SCN11A: variants seen among roughly 807,000 people sequenced by gnomAD.
SCN11A encodes the protein sodium channel protein type 11 subunit alpha.
SCN11A carries 122 observed loss-of-function variants against 162.2 expected under a neutral mutation model. The ratio of observed to expected loss-of-function variants is 0.75; its 90% CI spans 0.65 to 0.87. SCN11A has a LOEUF of 0.87. Ranked by LOEUF, SCN11A falls within the 40% of genes least tolerant of loss-of-function variation. The probability of loss-of-function intolerance (pLI) is 0.00; values close to 1 mark genes in which losing one functional copy is unlikely to be tolerated. For missense variants in SCN11A, 2,015 were observed against 2,181.6 expected, an observed-to-expected ratio of 0.92 and a Z score of 1.52; for synonymous variants, 758 against 751.5, an observed-to-expected ratio of 1.01 and a Z score of -0.14.
At chr3:38,982,658 T>C (rs147421071) in intron 2 of SCN11A, among the ~76,000 whole-genome samples, 2 of 152,200 alleles carry the variant, frequency 1.3e-5, no homozygotes, top group African/African-American at 4.8e-5. Flanking sequence ...AGACATAATA[T>C]ATGAAAGATA....
In SCN11A at chr3:38,951,386, C is replaced by T. The variant is rs559965661; in HGVS notation, c.-7-1017G>A. On this transcript the variant is annotated intron_variant, in intron 4 of 29. Coordinates refer to ENST00000302328, the MANE Select transcript of SCN11A (RefSeq NM_001349253.2). ...TCTCACCGGGCCTTAGCTGACTTCC[C>T]GCGGGGCAGGGCTTGGGACCTGCAG... Among the ~76,000 whole-genome samples, 310 of 152,358 alleles carry T rather than the reference C, an allele frequency of 2.0e-3. 2 individuals are homozygous for T. Among genetic ancestry groups the T allele is most frequent in the African/African-American group, 5.7e-3 (238 of 41,590 alleles).
chr3:38,986,636 G>A (rs980951986), intron 2 of SCN11A, among the ~76,000 whole-genome samples: 4 of 151,888 alleles, frequency 2.6e-5, no homozygotes. Context: ...CTGTGTGTGT[G>A]TGTTGTTGTT....
chr3:38,930,757 C>G (rs1379779248), intron 7 of SCN11A, among the ~76,000 whole-genome samples: 1 of 152,172 alleles, frequency 6.6e-6, no homozygotes, highest in Non-Finnish European at 1.5e-5. Flanking sequence ...AAATTACATG[C>G]CTCCTTGTAT....
At chr3:38,913,457 TTTTG>T (rs1170605765) in intron 11 of SCN11A, among the ~76,000 whole-genome samples, 2 of 151,984 alleles carry the variant, frequency 1.3e-5, no homozygotes, top group Non-Finnish European at 2.9e-5. Context: ...GTTTTTTGGT[TTTTG>T]TTTGTTTTTG....
chr3:38,928,183 C>T (rs1053934402), intron 7 of SCN11A, among the ~76,000 whole-genome samples: 5 of 152,084 alleles, frequency 3.3e-5, no homozygotes, highest in Non-Finnish European at 5.9e-5. Flanking sequence ...AAATGTAAGA[C>T]CTGAAAAACA....
At chr3:39,034,983 T>C (rs1233650468) in intron 1 of SCN11A, among the ~76,000 whole-genome samples, 3 of 152,288 alleles carry the variant, frequency 2.0e-5, no homozygotes, top group South Asian at 2.1e-4. Flanking sequence ...ACCATGTTCA[T>C]GGATTGGAAG....
At chr3:39,034,271 A>C (rs2031844174) in intron 1 of SCN11A, among the ~76,000 whole-genome samples, 1 of 152,220 alleles carries the variant, frequency 6.6e-6, no homozygotes, top group Admixed American at 6.5e-5. Context: ...AGTGGAATTC[A>C]GCCCAGAGAT....
intron 11 of SCN11A, among the ~76,000 whole-genome samples, chr3:38,914,750 T>G (rs1212995681): frequency 2.0e-5 from 3 of 152,074 alleles, no homozygotes; most frequent in Middle Eastern, 3.4e-3. Context: ...TATTCATGTG[T>G]TTTTTTACTT....
At chr3:38,935,397 A>G (rs951911839) in intron 7 of SCN11A, among the ~76,000 whole-genome samples, 1 of 152,244 alleles carries the variant, frequency 6.6e-6, no homozygotes, top group African/African-American at 2.4e-5. Flanking sequence ...TGAAGGAAAT[A>G]GAGACACAAA....
chr3:38,957,175 C>A (rs1392414355), intron 3 of SCN11A, among the ~76,000 whole-genome samples: 2 of 150,714 alleles, frequency 1.3e-5, no homozygotes, highest in African/African-American at 4.9e-5. Flanking sequence ...CATAGTAGTT[C>A]AAAGAAAAAA....
At chr3:39,006,532 C>T (rs911543365) in intron 2 of SCN11A, among the ~76,000 whole-genome samples, 4 of 150,772 alleles carry the variant, frequency 2.7e-5, no homozygotes, top group African/African-American at 9.8e-5. Flanking sequence ...GACAAACCAA[C>T]CAATAGATAA....
intron 2 of SCN11A, among the ~76,000 whole-genome samples, chr3:39,007,355 T>G (rs552110425): frequency 1.3e-5 from 2 of 152,324 alleles, no homozygotes; most frequent in East Asian, 3.9e-4. Flanking sequence ...GTTATAACAT[T>G]GGGTCTTAGT....
At chr3:38,984,863 C>T (rs970260539) in intron 2 of SCN11A, among the ~76,000 whole-genome samples, 6 of 152,070 alleles carry the variant, frequency 3.9e-5, no homozygotes, top group Non-Finnish European at 8.8e-5. Flanking sequence ...GGGGAGGGAA[C>T]ATTCCAAGAA....
chr3:39,050,815 C>T (rs1205612475), intron 1 of SCN11A, among the ~76,000 whole-genome samples: 1 of 152,164 alleles, frequency 6.6e-6, no homozygotes, highest in Non-Finnish European at 1.5e-5. Context: ...TCAAACTAGT[C>T]TTTGAAATTT....
Position 38,846,778 on chromosome 3 carries a change from G to A in SCN11A, c.5292C>T (p.Asn1764=), listed in dbSNP as rs767633025. Residue 1764 remains asparagine (N), a synonymous_variant, in exon 30 of 30, where the codon AAC becomes AAT. Transcript: ENST00000302328. ...GAGTCTGGAGTGGTGAATGAGGCCC[G>A]TTTTCCAAGTCATTTTGGTCACCTT... ...GDQGDQNDLE[N]GPHSPLQTLC... 2.8e-5 allele frequency: 46 copies of A among 1,614,054 alleles called. No homozygotes were observed. The highest frequency in any genetic ancestry group is 1.6e-4 in the Middle Eastern group (1 of 6,062).
chr3:39,003,205 C>T (rs529507706), intron 2 of SCN11A, among the ~76,000 whole-genome samples: 12 of 152,182 alleles, frequency 7.9e-5, no homozygotes, highest in South Asian at 2.1e-4. Context: ...AGTAGACCCC[C>T]GTGTCTATTG....
At chr3:38,974,420 G>A (rs1326015249) in intron 2 of SCN11A, among the ~76,000 whole-genome samples, 3 of 152,056 alleles carry the variant, frequency 2.0e-5, no homozygotes, top group African/African-American at 7.2e-5. Context: ...TCAAGGCCGG[G>A]CGCAGTGGCT....
intron 2 of SCN11A, among the ~76,000 whole-genome samples, chr3:38,991,771 G>A (rs1165067636): frequency 6.6e-6 from 1 of 152,012 alleles, no homozygotes; most frequent in African/African-American, 2.4e-5. Flanking sequence ...GTAAGCAGTT[G>A]AATTGGCAGT....
intron 1 of SCN11A, among the ~76,000 whole-genome samples, chr3:39,034,807 T>C (rs1016379732): frequency 1.3e-5 from 2 of 152,158 alleles, no homozygotes; most frequent in African/African-American, 2.4e-5. Flanking sequence ...CATTCCTGTA[T>C]GTCAATAGTG....
Sources: allele counts gnomAD v4.1 joint callset (sites outside exome capture counted in the v4.1 genomes callset), GRCh38; gene constraint gnomAD v4.1.1; transcripts MANE v1.5; gene names NCBI Gene and HGNC (gene_info 2026-07-23, HGNC 2026-07-21).